Variants in DNAH5 observed in about 807,000 individuals in gnomAD.
The protein encoded by DNAH5 is dynein axonemal heavy chain 5.
A neutral mutation model predicts 518.2 loss-of-function variants in DNAH5; 372 were observed. That is an observed-to-expected ratio of 0.72 (90% CI 0.66 to 0.78). The LOEUF is 0.78. Ranked by LOEUF, DNAH5 falls within the 30% of genes least tolerant of loss-of-function variation. DNAH5 has a pLI of 0.00. For missense variants in DNAH5, 5,523 were observed against 5,687.0 expected, an observed-to-expected ratio of 0.97 and a Z score of 0.93; for synonymous variants, 2,039 against 2,025.9, an observed-to-expected ratio of 1.01 and a Z score of -0.17.
At chr5:13,819,449 C>T (rs2151812054) in intron 41 of DNAH5, among the ~76,000 whole-genome samples, 1 of 152,274 alleles carries the variant, frequency 6.6e-6, no homozygotes, top group South Asian at 2.1e-4. Flanking sequence ...TGGCAATCCT[C>T]AGCAACCACC....
At chr5:13,725,845 G>A (rs745779150) in intron 70 of DNAH5, among the ~76,000 whole-genome samples, 23 of 152,284 alleles carry the variant, frequency 1.5e-4, no homozygotes, top group Middle Eastern at 3.4e-3. Context: ...GCAGAAATGC[G>A]GTTTCACCAT....
chr5:13,729,444 C>A lies in DNAH5; in HGVS notation c.11878G>T (p.Asp3960Tyr). 1.2e-6 allele frequency: 2 copies of A among 1,613,886 alleles called. No individual in the cohort carries two copies. Among genetic ancestry groups the A allele is most frequent in the South Asian group, 2.2e-5 (2 of 91,022 alleles). Reference sequence around the variant, plus strand: ...TTGATTCAAAGCACAGTTACCTGGTCAAGGACATCTGAAAACTGTCTGAGT... The same window carrying A: ...TTGATTCAAAGCACAGTTACCTGGTAAAGGACATCTGAAAACTGTCTGAGT... Reference protein sequence around the residue: ...SKLRQFSDVLDQISRNEKMWK... With the variant: ...SKLRQFSDVLYQISRNEKMWK... Residue 3960 changes from aspartate to tyrosine, a missense_variant, in exon 69 of 79, where the codon GAC (aspartate) becomes TAC (tyrosine). By Grantham distance (160) the Asp-to-Tyr change is radical (BLOSUM62 -3). This residue lies in a region of DNAH5 where 5,121 missense variants were observed against 5,223.3 expected (regional missense o/e 0.98). Transcript: ENST00000265104.
At position 13,814,957 on chromosome 5, in the gene DNAH5, A is replaced by G. The variant is rs1000275484; in HGVS notation, c.6989-111T>C. 1.0e-5 allele frequency: 11 copies of G among 1,051,150 alleles called. No homozygotes were observed. In the Admixed American group the frequency reaches 2.6e-4, roughly 25 times the overall value. The allele number at this position is 1,051,150 out of a possible 1,614,324, so 65.1% of individuals were successfully genotyped here. On this transcript the variant is annotated intron_variant, in intron 42 of 78. Transcript: ENST00000265104. The stretch of plus-strand genomic sequence containing the variant: ...ATTATATTAGATGTAATTTTCATTA[A>G]TTTTTAAATATAGTTTTGCTCCAAA...
chr5:13,869,907 A>T (rs1769826902), intron 24 of DNAH5, among the ~76,000 whole-genome samples: 1 of 152,146 alleles, frequency 6.6e-6, no homozygotes, highest in Non-Finnish European at 1.5e-5. Context: ...TTAGAAAGAG[A>T]TGATGTTTAC....
intron 1 of DNAH5, among the ~76,000 whole-genome samples, chr5:14,010,039 G>A (rs113608646): frequency 2.0e-4 from 30 of 152,164 alleles, no homozygotes; most frequent in African/African-American, 6.0e-4. Context: ...ATATTTTGGT[G>A]TATGTCCTTT....
At chr5:13,966,624 A>AT (rs1348029309) in intron 1 of DNAH5, among the ~76,000 whole-genome samples, 2 of 151,922 alleles carry the variant, frequency 1.3e-5, no homozygotes, top group Non-Finnish European at 2.9e-5. Flanking sequence ...GATGTTGGGC[A>AT]TTTTTTCATG....
intron 7 of DNAH5, among the ~76,000 whole-genome samples, chr5:13,918,612 A>G (rs1776912112): frequency 6.6e-6 from 1 of 152,126 alleles, no homozygotes; most frequent in South Asian, 2.1e-4. Context: ...CTGGGACTAC[A>G]GGCACACGAC....
At chr5:13,856,382 A>G (rs1443697104) in intron 30 of DNAH5, among the ~76,000 whole-genome samples, 1 of 152,206 alleles carries the variant, frequency 6.6e-6, no homozygotes, top group Non-Finnish European at 1.5e-5. Context: ...CTATACAAAT[A>G]AACTAGAAAA....
chr5:13,821,617 A>G (rs1254433276), intron 40 of DNAH5, among the ~76,000 whole-genome samples: 1 of 152,198 alleles, frequency 6.6e-6, no homozygotes, highest in Non-Finnish European at 1.5e-5. Flanking sequence ...TGGTCTATGC[A>G]CTTAATCATC....
intron 65 of DNAH5, among the ~76,000 whole-genome samples, chr5:13,742,287 A>G (rs1748675372): frequency 6.6e-6 from 1 of 152,080 alleles, no homozygotes; most frequent in Non-Finnish European, 1.5e-5. Flanking sequence ...TTGCTGCACA[A>G]AAACTTTTAC....
At chr5:13,779,603 T>C (rs544325312) in intron 53 of DNAH5, among the ~76,000 whole-genome samples, 102 of 152,364 alleles carry the variant, frequency 6.7e-4, no homozygotes, top group Non-Finnish European at 1.1e-3. Flanking sequence ...CCTGAAATTC[T>C]GTTTCACCTC....
intron 30 of DNAH5, among the ~76,000 whole-genome samples, chr5:13,858,434 G>T (rs1296201490): frequency 2.0e-5 from 3 of 152,140 alleles, no homozygotes; most frequent in African/African-American, 7.2e-5. Flanking sequence ...GTGGGGCAAG[G>T]GGAGGGATAG....
chr5:13,692,982 G>A (rs972181238), intron 78 of DNAH5, among the ~76,000 whole-genome samples: 3 of 152,184 alleles, frequency 2.0e-5, no homozygotes, highest in South Asian at 2.1e-4. Context: ...AGGAGACTCT[G>A]CCTGTGAGCA....
chr5:13,735,337 T>C lies in DNAH5; in HGVS notation c.11571-16A>G, dbSNP rs770135899. 1.2e-6 allele frequency: 2 copies of C among 1,612,566 alleles called. No homozygotes were observed. The highest frequency in any genetic ancestry group is 1.7e-6 in the Non-Finnish European group (2 of 1,178,866). Reference sequence around the variant, plus strand: ...CTTGACAGACCTGGTGAATAGAATATTTAAATCAGGCTTATCCCACTGCCC... The same window carrying C: ...CTTGACAGACCTGGTGAATAGAATACTTAAATCAGGCTTATCCCACTGCCC... On this transcript the variant is annotated splice_polypyrimidine_tract_variant and intron_variant, in intron 67 of 78. Transcript: ENST00000265104.
intron 35 of DNAH5, among the ~76,000 whole-genome samples, chr5:13,836,634 T>C (rs1764430784): frequency 2.0e-5 from 3 of 152,208 alleles, no homozygotes; most frequent in Admixed American, 2.0e-4. Context: ...AGCTGTTTTA[T>C]CAGAGTGATG....
chr5:13,931,490 A>G (rs1370316498), intron 1 of DNAH5, among the ~76,000 whole-genome samples: 1 of 152,242 alleles, frequency 6.6e-6, no homozygotes, highest in East Asian at 1.9e-4. Context: ...AAAATCTGCC[A>G]TCCAGAAATT....
In DNAH5 at chr5:13,937,640, A is replaced by G. The variant is rs138104382; in HGVS notation, c.58-6396T>C. 1.6e-3 allele frequency among the ~76,000 whole-genome samples: 237 copies of G among 150,460 alleles called. 2 individuals are homozygous for G. Among genetic ancestry groups the G allele is most frequent in the African/African-American group, 5.6e-3 (229 of 40,680 alleles). ...AATACCTTTGCACGGGGAAGTGGGT[A>G]GGGAAAGGAATGGGTTCTGCAGCCA... is the stretch of plus-strand genomic sequence containing the variant. On this transcript the variant is annotated intron_variant, in intron 1 of 78. Transcript: ENST00000265104.
rs1561407436 is a variant in DNAH5 at position 13,842,445 on chromosome 5, A to AGAGAGAGAGAGAG, written c.5272-542_5272-541insCTCTCTCTCTCTC. Among the ~76,000 whole-genome samples the AGAGAGAGAGAGAG allele has an allele frequency of 3.7e-4, 36 of 97,864 alleles. 2 individuals carry two copies. Among genetic ancestry groups the AGAGAGAGAGAGAG allele is most frequent in the African/African-American group, 1.6e-3 (35 of 21,400 alleles). 64.2% of individuals were successfully genotyped at this position (97,864 alleles called of 152,430 possible). ...AAGAAAAGAAAGAAAGAAAGAAAGA[A>AGAGAGAGAGAGAG]AGAAAGAAAGAAAGAAAGAAAGAAA... On this transcript the variant is annotated intron_variant, in intron 32 of 78. Coordinates refer to ENST00000265104, the MANE Select transcript of DNAH5 (RefSeq NM_001369.3).
chr5:13,895,568 C>T (rs1197461804), intron 15 of DNAH5, among the ~76,000 whole-genome samples: 2 of 152,204 alleles, frequency 1.3e-5, no homozygotes, highest in African/African-American at 4.8e-5. Context: ...CGCCAGAGGT[C>T]TACCTCAGCC....
Sources: allele counts gnomAD v4.1 joint callset (sites outside exome capture counted in the v4.1 genomes callset), GRCh38; gene constraint gnomAD v4.1.1; regional missense constraint gnomAD v4.1.1; transcripts MANE v1.5; gene names NCBI Gene and HGNC (gene_info 2026-07-23, HGNC 2026-07-21).